Variants in NYAP2 observed in about 807,000 individuals in gnomAD.
NYAP2 encodes neuronal tyrosine-phosphorylated phosphoinositide-3-kinase adaptor 2, also known as neuronal tyrosine-phosphorylated phosphoinositide-3-kinase adapter 2.
NYAP2 carries 23 observed loss-of-function variants against 50.4 expected under a neutral mutation model. That is an observed-to-expected ratio of 0.46 (90% CI 0.33 to 0.65). The LOEUF is 0.65. NYAP2 is among the 30% of genes least tolerant of loss of function. NYAP2 has a pLI of 0.02. For missense variants in NYAP2, 885 were observed against 861.0 expected (o/e 1.03, Z -0.35); for synonymous variants, 394 against 365.2 (o/e 1.08, Z -0.90).
At chr2:225,683,842 T>C in the NYAP2 span, among the ~76,000 whole-genome samples, 3 of 152,192 alleles carry the variant, frequency 2.0e-5, no homozygotes, top group Admixed American at 1.3e-4. Context: ...CTTGCTCCTA[T>C]GCTGATTTTG....
At chr2:225,588,315 C>A (rs1408466897) in intron 5 of NYAP2, among the ~76,000 whole-genome samples, 1 of 151,326 alleles carries the variant, frequency 6.6e-6, no homozygotes, top group Non-Finnish European at 1.5e-5. Flanking sequence ...AATTAGAAAT[C>A]AGATATCATC....
intron 6 of NYAP2, among the ~76,000 whole-genome samples, chr2:225,634,495 A>T (rs1325994183): frequency 6.6e-6 from 1 of 152,186 alleles, no homozygotes; most frequent in Non-Finnish European, 1.5e-5. Context: ...ATCCAAGAGG[A>T]GTCTTGTACA....
chr2:225,673,697 G>C, the NYAP2 span, among the ~76,000 whole-genome samples: 2 of 152,090 alleles, frequency 1.3e-5, no homozygotes, highest in African/African-American at 4.8e-5. Context: ...CCCTTTTGGG[G>C]TTAGGATTCT....
intron 5 of NYAP2, among the ~76,000 whole-genome samples, chr2:225,589,717 A>G (rs941527557): frequency 2.0e-5 from 3 of 151,668 alleles, no homozygotes; most frequent in African/African-American, 7.3e-5. Flanking sequence ...AATAAATTAC[A>G]TTTCGTTTTC....
chr2:225,463,761 A>C (rs1689872249), intron 3 of NYAP2, among the ~76,000 whole-genome samples: 1 of 152,206 alleles, frequency 6.6e-6, no homozygotes, highest in Non-Finnish European at 1.5e-5. Context: ...CTTAGTAAGC[A>C]CTGGGGTGAT....
At chr2:225,510,733 G>A (rs138728973) in intron 3 of NYAP2, among the ~76,000 whole-genome samples, 93 of 152,154 alleles carry the variant, frequency 6.1e-4, no homozygotes, top group African/African-American at 2.2e-3. Context: ...ACCTGCTAGT[G>A]CTTGAAGCAT....
intron 5 of NYAP2, among the ~76,000 whole-genome samples, chr2:225,608,552 C>G (rs1380621837): frequency 6.6e-6 from 1 of 152,110 alleles, no homozygotes; most frequent in East Asian, 1.9e-4. Flanking sequence ...CTTTCTAATA[C>G]AAAGCCTGCC....
chr2:225,678,665 T>G, the NYAP2 span, among the ~76,000 whole-genome samples: 1 of 152,186 alleles, frequency 6.6e-6, no homozygotes, highest in East Asian at 1.9e-4. Context: ...CGTTTCTTTC[T>G]TGGACGTTAC....
At chr2:225,431,379 T>G (rs1018423910) in intron 3 of NYAP2, among the ~76,000 whole-genome samples, 9 of 152,210 alleles carry the variant, frequency 5.9e-5, no homozygotes, top group Admixed American at 2.6e-4. Context: ...CATTTTCTAG[T>G]TGTTTTTTGG....
At position 225,460,353 on chromosome 2, in the gene NYAP2, T is replaced by C. The variant is rs548093929; in HGVS notation, c.221+51252T>C. Reference sequence around the variant, plus strand: ...TGATTACTTTGATAAAACACTGAACTTGTAATTTCTTCATTTGTCTTATTT... The same window carrying C: ...TGATTACTTTGATAAAACACTGAACCTGTAATTTCTTCATTTGTCTTATTT... On this transcript the variant is annotated intron_variant, in intron 3 of 6. Transcript: ENST00000636099. Among the ~76,000 whole-genome samples the C allele has an allele frequency of 3.9e-5, 6 of 152,372 alleles. No homozygotes were observed. The South Asian group carries it at 1.2e-3, about 32-fold the overall frequency.
chr2:225,498,804 G>A (rs893156693), intron 3 of NYAP2, among the ~76,000 whole-genome samples: 1 of 152,104 alleles, frequency 6.6e-6, no homozygotes, highest in Non-Finnish European at 1.5e-5. Flanking sequence ...GGAAGCATTT[G>A]TTCTCTGTGA....
intron 2 of NYAP2, among the ~76,000 whole-genome samples, chr2:225,407,048 T>A (rs1311417216): frequency 6.6e-6 from 1 of 152,022 alleles, no homozygotes; most frequent in Non-Finnish European, 1.5e-5. Context: ...AGAATTCTTG[T>A]AATAGTGACT....
At chr2:225,591,771 C>G (rs1309632884) in intron 5 of NYAP2, among the ~76,000 whole-genome samples, 1 of 152,144 alleles carries the variant, frequency 6.6e-6, no homozygotes, top group Non-Finnish European at 1.5e-5. Context: ...TCAATCTCTC[C>G]AAAATTCACC....
At chr2:225,702,935 T>C in the NYAP2 span, 1 of 151,628 alleles carries the variant, frequency 6.6e-6, no homozygotes, top group African/African-American at 2.4e-5. Flanking sequence ...TTTACACATG[T>C]ATACACCCAC....
intron 3 of NYAP2, among the ~76,000 whole-genome samples, chr2:225,425,931 G>A (rs1695280082): frequency 6.6e-6 from 1 of 151,968 alleles, no homozygotes; most frequent in Non-Finnish European, 1.5e-5. Flanking sequence ...GTCATTGTAT[G>A]AGAGAGAGAA....
chr2:225,505,546 T>C (rs1279321446), intron 3 of NYAP2, among the ~76,000 whole-genome samples: 2 of 152,210 alleles, frequency 1.3e-5, no homozygotes, highest in Non-Finnish European at 2.9e-5. Context: ...TTATTCATAG[T>C]GTTAAATAGG....
At chr2:225,571,168 T>C (rs1428887253) in intron 4 of NYAP2, among the ~76,000 whole-genome samples, 1 of 152,216 alleles carries the variant, frequency 6.6e-6, no homozygotes, top group Non-Finnish European at 1.5e-5. Flanking sequence ...CCCCACTCTG[T>C]GCTGCTTTCA....
At chr2:225,466,594 CT>C (rs1211728401) in intron 3 of NYAP2, among the ~76,000 whole-genome samples, 2 of 152,088 alleles carry the variant, frequency 1.3e-5, no homozygotes, top group East Asian at 3.9e-4. Flanking sequence ...GTTGAAAATG[CT>C]GTTTAGCACT....
At chr2:225,566,875 A>G (rs1691970538) in intron 4 of NYAP2, among the ~76,000 whole-genome samples, 1 of 152,006 alleles carries the variant, frequency 6.6e-6, no homozygotes, top group African/African-American at 2.4e-5. Flanking sequence ...CTGAGATAAA[A>G]CCACTCATAG....
Sources: allele counts gnomAD v4.1 joint callset (sites outside exome capture counted in the v4.1 genomes callset), GRCh38; gene constraint gnomAD v4.1.1; transcripts MANE v1.5; gene names NCBI Gene and HGNC (gene_info 2026-07-23, HGNC 2026-07-21).